Variants in NNT observed in about 807,000 individuals in gnomAD.
The protein encoded by NNT is NAD(P) transhydrogenase, mitochondrial.
Under a neutral mutation model 104.8 loss-of-function variants are expected in NNT, and 50 were observed. That is an observed-to-expected ratio of 0.48 (90% CI 0.38 to 0.60). The LOEUF is 0.60. NNT is among the 20% of genes least tolerant of loss of function. The pLI is 0.00. For missense variants in NNT, 1,131 were observed against 1,330.7 expected (o/e 0.85, Z 2.33); for synonymous variants, 461 against 490.4 (o/e 0.94, Z 0.79).
In NNT at chr5:43,700,453, G is replaced by A. The variant is rs557179121; in HGVS notation, c.2995+216G>A. Among the ~76,000 whole-genome samples, 22 of 152,286 alleles carry A rather than the reference G, an allele frequency of 1.4e-4. No individual in the cohort carries two copies. In the South Asian group the frequency reaches 1.9e-3, roughly 13 times the overall value. ...CAGCACAGGTAAATTTTTCTCCTCC[G>A]TGAAGAACTGAAGGATGGTGAAAAC... On this transcript the variant is annotated intron_variant, in intron 20 of 21. Transcript: ENST00000344920.
intron 17 of NNT, among the ~76,000 whole-genome samples, chr5:43,669,997 G>A (rs1479691398): frequency 6.6e-6 from 1 of 151,938 alleles, no homozygotes; most frequent in African/African-American, 2.4e-5. Context: ...GCTTCTTCCT[G>A]GTTTAGTCTT....
intron 7 of NNT, among the ~76,000 whole-genome samples, chr5:43,642,241 G>A (rs768100910): frequency 1.6e-4 from 25 of 152,160 alleles, no homozygotes; most frequent in Non-Finnish European, 3.7e-4. Flanking sequence ...TAAATACCTG[G>A]AAAGTACAGG....
chr5:43,636,490 C>G (rs1365697897), intron 7 of NNT, among the ~76,000 whole-genome samples: 3 of 152,186 alleles, frequency 2.0e-5, no homozygotes, highest in Non-Finnish European at 4.4e-5. Context: ...CAGTTAACCT[C>G]ATTCTGACCT....
At chr5:43,700,423 G>A (rs534990995) in intron 20 of NNT, among the ~76,000 whole-genome samples, 186 bp downstream of exon 20, 48 of 152,284 alleles carry the variant, frequency 3.2e-4, no homozygotes, top group Non-Finnish European at 2.1e-4. Flanking sequence ...CAAAAGATTC[G>A]TAAACAGCAC....
chr5:43,619,405 T>A (rs1749952043), intron 5 of NNT, among the ~76,000 whole-genome samples: 2 of 152,208 alleles, frequency 1.3e-5, no homozygotes, highest in Admixed American at 1.3e-4. Flanking sequence ...TATATATTAT[T>A]AATTTTTAAA....
chr5:43,659,355 GAAAC>G lies in NNT; in HGVS notation c.2634+8_2634+11del. The G allele has an allele frequency of 6.2e-7, 1 of 1,600,838 alleles. No individual in the cohort carries two copies. The highest frequency in any genetic ancestry group is 1.1e-5 in the South Asian group (1 of 88,910). On this transcript the variant is annotated splice_donor_region_variant and intron_variant, in intron 17 of 21. Coordinates refer to ENST00000344920, the MANE Select transcript of NNT (RefSeq NM_182977.3). The stretch of plus-strand genomic sequence containing the variant: ...CTGTCATACATCATGTGTGTGGTAA[GAAAC>G]AACACATACATGAAACAAAAGGAAA...
chr5:43,611,878 T>A (rs1439837185), intron 2 of NNT, among the ~76,000 whole-genome samples: 2 of 152,236 alleles, frequency 1.3e-5, no homozygotes, highest in Admixed American at 6.5e-5. Context: ...TAGCTAAAGA[T>A]GGTCTGAACC....
Position 43,644,749 on chromosome 5 carries a change from G to A in NNT, c.1237G>A (p.Asp413Asn), listed in dbSNP as rs528744613. 11 of 1,614,130 alleles carry A rather than the reference G, an allele frequency of 6.8e-6. No homozygotes were observed. The highest frequency in any genetic ancestry group is 6.6e-5 in the South Asian group (6 of 91,074). Reference protein sequence around the residue: ...KDNFYFDVKDDFDFGTMGHVI... With the variant: ...KDNFYFDVKDNFDFGTMGHVI... ...TAATTTTTATTTTGATGTGAAAGAT[G>A]ACTTTGACTTTGGTACGATGGGTCA... Residue 413 changes from aspartate (D) to asparagine (N), a missense_variant, in exon 9 of 22, where the codon GAC (aspartate) becomes AAC (asparagine). Asp to Asn is a conservative substitution (Grantham distance 23). Transcript: ENST00000344920.
At chr5:43,670,520 T>G (rs1476846004) in intron 17 of NNT, among the ~76,000 whole-genome samples, 1 of 152,230 alleles carries the variant, frequency 6.6e-6, no homozygotes, top group Non-Finnish European at 1.5e-5. Flanking sequence ...TCTTTATTTC[T>G]GCCTTCATTT....
chr5:43,645,653 ATCTC>A (rs372296149), intron 10 of NNT, 143 bp downstream of exon 10: 4,155 of 68,298 alleles, frequency 0.061, 182 homozygotes, highest in Non-Finnish European at 0.078. Flanking sequence ...CTATCTATCT[ATCTC>A]TCTCTCTCTC....
chr5:43,608,535 T>C (rs1222342828), intron 1 of NNT, among the ~76,000 whole-genome samples: 1 of 152,248 alleles, frequency 6.6e-6, no homozygotes. Flanking sequence ...TAGAGTCATG[T>C]GTCATGCATG....
At position 43,704,302 on chromosome 5, in the gene NNT, C is replaced by T. The variant is rs747264332; in HGVS notation, c.3159C>T (p.Asp1053=). The part of the protein sequence containing the change: ...RSLGVGYAAV[D]NPIFYKPNTA... ...TGGGTGTTGGCTATGCTGCAGTGGA[C>T]AATCCAATCTTCTACAAACCTAACA... is the stretch of plus-strand genomic sequence containing the variant. The change falls in exon 22 of 22, where the codon GAC becomes GAT. Residue 1053 remains aspartate, a synonymous_variant. Coordinates refer to ENST00000344920, the MANE Select transcript of NNT (RefSeq NM_182977.3). The T allele has an allele frequency of 6.8e-6, 11 of 1,608,084 alleles. No homozygotes were observed. The highest frequency in any genetic ancestry group is 9.3e-6 in the Non-Finnish European group (11 of 1,177,538).
chr5:43,665,141 CT>C lies in NNT; in HGVS notation c.2634+5793del, dbSNP rs1303868161. Among the ~76,000 whole-genome samples, 6 of 152,124 alleles carry C rather than the reference CT, an allele frequency of 3.9e-5. No individual in the cohort carries two copies. The East Asian group carries it at 1.2e-3, about 29-fold the overall frequency. The stretch of plus-strand genomic sequence containing the variant: ...ACAGCGGTACATCTACTGCTGTGAT[CT>C]TCTGCAGGACTGTGTAATAAGGGTG... On this transcript the variant is annotated intron_variant, in intron 17 of 21. Coordinates refer to ENST00000344920, the MANE Select transcript of NNT (RefSeq NM_182977.3).
intron 11 of NNT, 68 bp from the exon 12 acceptor site, chr5:43,650,409 C>A: frequency 1.8e-6 from 2 of 1,139,148 alleles, no homozygotes; most frequent in Admixed American, 3.4e-5. Context: ...ATGTGAGGTA[C>A]TTCAGCTATG....
chr5:43,667,657 C>A (rs375658447), intron 17 of NNT, among the ~76,000 whole-genome samples: 2 of 152,122 alleles, frequency 1.3e-5, no homozygotes, highest in South Asian at 2.1e-4. Flanking sequence ...TTTCTTAATC[C>A]AGTCTATCAT....
At chr5:43,607,937 C>CT (rs35612406) in intron 1 of NNT, among the ~76,000 whole-genome samples, 90,718 of 148,516 alleles carry the variant, frequency 0.61, 29,286 homozygotes, top group African/African-American at 0.82. Flanking sequence ...GCTTTCTATT[C>CT]TTTTTTTTTT....
chr5:43,670,231 A>C (rs1006822753), intron 17 of NNT, among the ~76,000 whole-genome samples: 1 of 152,140 alleles, frequency 6.6e-6, no homozygotes, highest in African/African-American at 2.4e-5. Flanking sequence ...TCAAAAAACC[A>C]GCTCCTGGAT....
chr5:43,608,162 C>T (rs1561258617), intron 1 of NNT, among the ~76,000 whole-genome samples: 1 of 151,974 alleles, frequency 6.6e-6, no homozygotes, highest in Non-Finnish European at 1.5e-5. Flanking sequence ...AACTCCTGAC[C>T]TCGTGATCTG....
At chr5:43,623,922 C>G (rs1750227402) in intron 5 of NNT, 110 bp from the exon 6 acceptor site, 3 of 980,060 alleles carry the variant, frequency 3.1e-6, no homozygotes, top group Non-Finnish European at 5.0e-6. Flanking sequence ...ACCATCTGCA[C>G]CGCCATTTAT....
Sources: gnomAD v4.1 joint callset for allele counts (sites outside exome capture counted in the v4.1 genomes callset) on GRCh38, gnomAD v4.1.1 for gene constraint, MANE v1.5 for transcripts, NCBI Gene and HGNC (gene_info 2026-07-23, HGNC 2026-07-21) for gene names.